The following ZSWIM6 variants were observed in gnomAD, a reference collection of about 807,000 sequenced individuals.
ZSWIM6 encodes zinc finger SWIM domain-containing protein 6.
Under a neutral mutation model 113.2 loss-of-function variants are expected in ZSWIM6, and 9 were observed. The observed-to-expected ratio is 0.08, with a 90% CI of 0.05 to 0.14. The LOEUF (loss-of-function observed/expected upper bound fraction) is 0.14, where lower values mean the gene tolerates loss of function less well. Among genes scored for constraint, ZSWIM6 ranks in the 10% least tolerant of loss-of-function variants. ZSWIM6 has a pLI of 1.00. For synonymous variants in ZSWIM6, 611 were observed against 606.5 expected (o/e 1.01, Z -0.11); for missense variants, 1,162 against 1,552.2 (o/e 0.75, Z 4.22).
chr5:61,399,355 T>TA (rs1196544889), intron 1 of ZSWIM6, among the ~76,000 whole-genome samples: 2 of 152,020 alleles, frequency 1.3e-5, no homozygotes, highest in African/African-American at 4.8e-5. Context: ...TTGAGAAAAT[T>TA]ACTAACATTG....
At chr5:61,360,144 G>C (rs936732994) in intron 1 of ZSWIM6, among the ~76,000 whole-genome samples, 2 of 152,198 alleles carry the variant, frequency 1.3e-5, no homozygotes, top group African/African-American at 4.8e-5. Context: ...GATCTTCATT[G>C]GTTCTGCTGC....
intron 1 of ZSWIM6, among the ~76,000 whole-genome samples, chr5:61,410,208 T>C (rs1579981714): frequency 1.3e-5 from 2 of 151,996 alleles, no homozygotes; most frequent in African/African-American, 4.8e-5. Flanking sequence ...TGTGTAGCCC[T>C]AAATTACCCC....
chr5:61,414,815 A>C (rs1031526874), intron 1 of ZSWIM6, among the ~76,000 whole-genome samples: 22 of 152,132 alleles, frequency 1.4e-4, no homozygotes, highest in African/African-American at 4.6e-4. Context: ...ATAGATTTTT[A>C]AGTTTTTCTT....
At position 61,489,738 on chromosome 5, in the gene ZSWIM6, G is replaced by A. The variant is rs35114385; in HGVS notation, c.1034-1048G>A. On this transcript the variant is annotated intron_variant, in intron 2 of 13. Transcript: ENST00000252744. ...CTATTCTATCTCCAAGTCTAGCAGAGAGGCTGGCACTGAGTCAGGCACTCA... is the reference window on the plus strand; with the variant it reads ...CTATTCTATCTCCAAGTCTAGCAGAAAGGCTGGCACTGAGTCAGGCACTCA... 4.6e-3 allele frequency among the ~76,000 whole-genome samples: 696 copies of A among 152,178 alleles called. 2 individuals carry two copies. Among genetic ancestry groups the A allele is most frequent in the Middle Eastern group, 0.02 (6 of 294 alleles).
At chr5:61,345,846 CTT>C (rs1744646504) in intron 1 of ZSWIM6, among the ~76,000 whole-genome samples, 1 of 152,162 alleles carries the variant, frequency 6.6e-6, no homozygotes, top group African/African-American at 2.4e-5. Flanking sequence ...TGAATTTACT[CTT>C]ATGGAAATAA....
At chr5:61,542,601 C>T (rs1360148941) in intron 13 of ZSWIM6, among the ~76,000 whole-genome samples, 1 of 152,156 alleles carries the variant, frequency 6.6e-6, no homozygotes, top group Non-Finnish European at 1.5e-5. Context: ...AAAACACTGC[C>T]ATCCCAGTGT....
chr5:61,396,400 C>T (rs1056751713), intron 1 of ZSWIM6, among the ~76,000 whole-genome samples: 6 of 151,934 alleles, frequency 3.9e-5, no homozygotes, highest in African/African-American at 7.2e-5. Flanking sequence ...GGTATGGTGG[C>T]GCACACCTGT....
intron 4 of ZSWIM6, among the ~76,000 whole-genome samples, chr5:61,501,756 G>A (rs1263534034): frequency 1.3e-5 from 2 of 152,256 alleles, no homozygotes; most frequent in African/African-American, 2.4e-5. Flanking sequence ...ATCAAGAATC[G>A]ATTCCAGTTA....
At chr5:61,420,191 A>C (rs1419574147) in intron 1 of ZSWIM6, among the ~76,000 whole-genome samples, 2 of 152,264 alleles carry the variant, frequency 1.3e-5, no homozygotes, top group Non-Finnish European at 2.9e-5. Context: ...ACATTGAATT[A>C]ATTGATAAAG....
At chr5:61,363,718 A>G (rs978874555) in intron 1 of ZSWIM6, among the ~76,000 whole-genome samples, 25 of 152,162 alleles carry the variant, frequency 1.6e-4, no homozygotes, top group Non-Finnish European at 5.9e-5. Flanking sequence ...GGTAAGCTAA[A>G]ATATGTTTAA....
intron 1 of ZSWIM6, chr5:61,375,618 G>A: frequency 1.3e-6 from 2 of 1,539,018 alleles, no homozygotes; most frequent in Non-Finnish European, 1.8e-6. Context: ...ATGGAACTGA[G>A]AAAGAAAAGG....
At chr5:61,434,882 C>T (rs1025679022) in intron 1 of ZSWIM6, among the ~76,000 whole-genome samples, 12 of 152,050 alleles carry the variant, frequency 7.9e-5, no homozygotes, top group Non-Finnish European at 1.5e-4. Context: ...ATCACAGTTA[C>T]GAAACAAATA....
At chr5:61,344,770 A>G (rs559934864) in intron 1 of ZSWIM6, among the ~76,000 whole-genome samples, 11 of 152,248 alleles carry the variant, frequency 7.2e-5, no homozygotes, top group Non-Finnish European at 1.5e-4. Flanking sequence ...GCACCAGGCC[A>G]CGACGGCACA....
At chr5:61,338,090 C>T (rs1204080269) in intron 1 of ZSWIM6, among the ~76,000 whole-genome samples, 2 of 151,662 alleles carry the variant, frequency 1.3e-5, no homozygotes, top group African/African-American at 4.8e-5. Flanking sequence ...AAGAATATCG[C>T]CCAGCATTCC....
At chr5:61,389,011 C>T (rs1270564585) in intron 1 of ZSWIM6, among the ~76,000 whole-genome samples, 1 of 151,934 alleles carries the variant, frequency 6.6e-6, no homozygotes, top group East Asian at 1.9e-4. Context: ...TTTTGGTGTA[C>T]CGGGACACAT....
intron 4 of ZSWIM6, among the ~76,000 whole-genome samples, chr5:61,498,793 A>G (rs1748387454): frequency 6.6e-6 from 1 of 152,176 alleles, no homozygotes; most frequent in Non-Finnish European, 1.5e-5. Flanking sequence ...CACATTCAAA[A>G]TGATACTTTT....
chr5:61,373,248 C>T (rs148024381), intron 1 of ZSWIM6, among the ~76,000 whole-genome samples: 1 of 151,746 alleles, frequency 6.6e-6, no homozygotes, highest in African/African-American at 2.4e-5. Flanking sequence ...GCACCTGGCT[C>T]TATTTACATT....
intron 1 of ZSWIM6, among the ~76,000 whole-genome samples, chr5:61,378,159 A>G (rs1745408382): frequency 6.6e-6 from 1 of 152,244 alleles, no homozygotes; most frequent in Admixed American, 6.5e-5. Flanking sequence ...CCAGATTTTT[A>G]TCTTATGCCA....
chr5:61,399,401 T>G (rs1165901268), intron 1 of ZSWIM6, among the ~76,000 whole-genome samples: 1 of 152,186 alleles, frequency 6.6e-6, no homozygotes, highest in Admixed American at 6.5e-5. Context: ...AAATCTCCTC[T>G]TTATTTACCA....
Sources: gnomAD v4.1 joint callset for allele counts (sites outside exome capture counted in the v4.1 genomes callset) on GRCh38, gnomAD v4.1.1 for gene constraint, MANE v1.5 for transcripts, NCBI Gene and HGNC (gene_info 2026-07-23, HGNC 2026-07-21) for gene names.